The following EYS variants were observed in gnomAD, a reference collection of about 807,000 sequenced individuals.
EYS encodes the protein EGF-like photoreceptor maintenance factor, also known as protein eyes shut homolog.
In EYS, 250 loss-of-function variants were observed where a neutral mutation model predicts 282.1. That is an observed-to-expected ratio of 0.89 (90% CI 0.80 to 0.98). EYS has a LOEUF of 0.98. Ranked by LOEUF, EYS falls within the 50% of genes least tolerant of loss-of-function variation. The pLI is 0.00. For synonymous variants in EYS, 1,355 were observed against 1,282.9 expected (o/e 1.06, Z -1.20); for missense variants, 4,016 against 3,709.0 (o/e 1.08, Z -2.15).
chr6:64,462,093 T>C (rs1057402840), intron 26 of EYS, among the ~76,000 whole-genome samples: 1 of 152,182 alleles, frequency 6.6e-6, no homozygotes, highest in Non-Finnish European at 1.5e-5. Flanking sequence ...TGTTAATTAT[T>C]AGAGTTTCTC....
In EYS at chr6:64,081,906, G is replaced by T. The variant is rs1771984914; in HGVS notation, c.6521C>A (p.Thr2174Asn). The stretch of plus-strand genomic sequence containing the variant: ...GTTTGTTTTTATAGTCAAGTAGATG[G>T]TAACAGTTCTGTTATGTTCCTTCTC... The part of the protein sequence containing the change: ...VLEKEHNRTV[T>N]IYLTIKTNSL... Residue 2174 changes from threonine to asparagine, a missense_variant, in exon 32 of 43, where the codon ACC becomes AAC. By Grantham distance (65) the Thr-to-Asn change is moderately conservative (BLOSUM62 0). Coordinates refer to ENST00000503581, the MANE Select transcript of EYS (RefSeq NM_001142800.2). 6.5e-7 allele frequency: 1 copy of T among 1,542,364 alleles called. No homozygotes were observed. Among genetic ancestry groups the T allele is most frequent in the African/African-American group, 1.4e-5 (1 of 72,768 alleles).
At chr6:64,183,962 CAT>C (rs1247849018) in intron 31 of EYS, among the ~76,000 whole-genome samples, 3 of 152,032 alleles carry the variant, frequency 2.0e-5, no homozygotes, top group African/African-American at 7.2e-5. Flanking sequence ...GAGCTTTATA[CAT>C]GTTAGTTGTA....
intron 31 of EYS, among the ~76,000 whole-genome samples, chr6:64,094,323 A>G (rs1039051303): frequency 5.9e-5 from 9 of 152,198 alleles, no homozygotes; most frequent in Non-Finnish European, 1.3e-4. Context: ...TAGTTTCAAA[A>G]GGAGTGGTAC....
At chr6:63,745,758 T>A (rs967646205) in intron 41 of EYS, among the ~76,000 whole-genome samples, 1 of 152,242 alleles carries the variant, frequency 6.6e-6, no homozygotes, top group Non-Finnish European at 1.5e-5. Context: ...AATATTTCTG[T>A]CTTCCCAAAT....
intron 26 of EYS, among the ~76,000 whole-genome samples, chr6:64,582,108 A>T (rs1050974669): frequency 6.6e-6 from 1 of 152,128 alleles, no homozygotes; most frequent in Admixed American, 6.6e-5. Flanking sequence ...GTGTGACACA[A>T]CCTCTGTCAC....
chr6:65,586,919 G>A (rs201822984), intron 2 of EYS, among the ~76,000 whole-genome samples: 1 of 151,716 alleles, frequency 6.6e-6, no homozygotes, highest in East Asian at 1.9e-4. Flanking sequence ...TTTTTTCTTA[G>A]ATGTCAAACA....
intron 22 of EYS, among the ~76,000 whole-genome samples, chr6:64,757,983 T>C (rs1435952485): frequency 4.6e-5 from 7 of 151,998 alleles, no homozygotes; most frequent in Non-Finnish European, 7.4e-5. Context: ...ACCGTGTTAG[T>C]CAGGATGGTC....
intron 30 of EYS, among the ~76,000 whole-genome samples, chr6:64,246,188 T>TC (rs1280995478): frequency 2.0e-5 from 3 of 146,860 alleles, no homozygotes; most frequent in African/African-American, 7.5e-5. Flanking sequence ...TTTTTTTTTT[T>TC]CCCTCTCTTT....
intron 21 of EYS, chr6:64,815,317 A>T: frequency 2.9e-6 from 1 of 339,018 alleles, no homozygotes; most frequent in East Asian, 1.0e-4. Context: ...GCAGAATTCC[A>T]CAGGGAGTGG....
chr6:65,316,466 T>TA (rs56104403), intron 11 of EYS, among the ~76,000 whole-genome samples: 146,922 of 148,506 alleles, frequency 0.99, 72,694 homozygotes, highest in East Asian at 1. Flanking sequence ...ATTTCTTTTT[T>TA]AATCGTCAAC....
At chr6:64,417,671 CTT>C (rs11414644) in intron 28 of EYS, among the ~76,000 whole-genome samples, 30,749 of 123,378 alleles carry the variant, frequency 0.25, 2,608 homozygotes, top group East Asian at 0.42. Flanking sequence ...TAAGGGTTGG[CTT>C]TTTTTTTTTT....
intron 35 of EYS, among the ~76,000 whole-genome samples, chr6:63,940,886 A>G (rs1765216425): frequency 8.1e-6 from 1 of 122,730 alleles, no homozygotes; most frequent in South Asian, 2.7e-4. Flanking sequence ...CCCTGTGTCC[A>G]AGTGTTCTCA....
At chr6:64,882,115 G>A (rs1766943552) in intron 19 of EYS, among the ~76,000 whole-genome samples, 1 of 151,664 alleles carries the variant, frequency 6.6e-6, no homozygotes, top group African/African-American at 2.4e-5. Context: ...AAAGCCCATG[G>A]AAGAGAACAT....
chr6:64,484,918 C>A (rs1474109426), intron 26 of EYS, among the ~76,000 whole-genome samples: 1 of 151,524 alleles, frequency 6.6e-6, no homozygotes, highest in Non-Finnish European at 1.5e-5. Flanking sequence ...CAAGCCAAGG[C>A]CTGGCCTGAG....
chr6:63,960,104 G>T (rs1426733315), intron 35 of EYS, among the ~76,000 whole-genome samples: 3 of 151,832 alleles, frequency 2.0e-5, no homozygotes, highest in Non-Finnish European at 4.4e-5. Context: ...TCTAGGAAAA[G>T]TTAATTGAAA....
intron 42 of EYS, among the ~76,000 whole-genome samples, chr6:63,725,182 ATC>A (rs34260675): frequency 5.8e-4 from 89 of 152,232 alleles, no homozygotes; most frequent in South Asian, 3.5e-3. Context: ...AAACTAATGA[ATC>A]TCTGTAAGTA....
chr6:65,433,422 A>G (rs557606053), intron 5 of EYS, among the ~76,000 whole-genome samples: 1 of 152,206 alleles, frequency 6.6e-6, no homozygotes, highest in African/African-American at 2.4e-5. Flanking sequence ...ATGATTTAAA[A>G]AAAACAGAAT....
In EYS at chr6:64,131,467, C is replaced by T. The variant is rs113768606; in HGVS notation, c.6425-49465G>A. ...ACAGTTGTCATGTAGAGTCTATGCTCTTAACCATTAGGCTGTACAGCCTCA... is the reference window on the plus strand; with the variant it reads ...ACAGTTGTCATGTAGAGTCTATGCTTTTAACCATTAGGCTGTACAGCCTCA... On this transcript the variant is annotated intron_variant, in intron 31 of 42. Transcript: ENST00000503581. 3.1e-3 allele frequency among the ~76,000 whole-genome samples: 478 copies of T among 152,280 alleles called. 4 individuals carry two copies. The highest frequency in any genetic ancestry group is 0.011 in the African/African-American group (461 of 41,544).
chr6:63,794,154 A>G (rs77091518), intron 37 of EYS, among the ~76,000 whole-genome samples: 2,781 of 152,288 alleles, frequency 0.018, 92 homozygotes, highest in East Asian at 0.083. Flanking sequence ...AGATTATTCT[A>G]AGGATTAAGT....
Sources: allele counts gnomAD v4.1 joint callset (sites outside exome capture counted in the v4.1 genomes callset), GRCh38; gene constraint gnomAD v4.1.1; transcripts MANE v1.5; gene names NCBI Gene and HGNC (gene_info 2026-07-23, HGNC 2026-07-21).